Variants in NANOGNB observed in about 807,000 individuals in gnomAD.
The protein encoded by NANOGNB is homeobox C14.
In NANOGNB, 30 loss-of-function variants were observed where a neutral mutation model predicts 25.0. The ratio of observed to expected loss-of-function variants is 1.20; its 90% confidence interval spans 0.90 to 1.63. The LOEUF (loss-of-function observed/expected upper bound fraction) is 1.63, where lower values mean the gene tolerates loss of function less well. NANOGNB is among the 40% of genes most tolerant of loss of function. The pLI is 0.00. For missense variants in NANOGNB, 200 were observed against 188.1 expected, an observed-to-expected ratio of 1.06 and a Z score of -0.37; for synonymous variants, 84 against 62.1, an observed-to-expected ratio of 1.35 and a Z score of -1.66.
chr12:7,767,929 T>G (rs745873497), intron 1 of NANOGNB, among the ~76,000 whole-genome samples: 1 of 152,050 alleles, frequency 6.6e-6, no homozygotes, highest in Non-Finnish European at 1.5e-5. Flanking sequence ...CCCAGGCTGG[T>G]TTTGAACTCC....
chr12:7,768,974 C>T (rs916818774), intron 1 of NANOGNB, among the ~76,000 whole-genome samples: 2 of 151,938 alleles, frequency 1.3e-5, no homozygotes, highest in Non-Finnish European at 2.9e-5. Context: ...CCATATTAAT[C>T]GTCTTCAAGT....
At chr12:7,767,887 A>AT (rs1865259735) in intron 1 of NANOGNB, among the ~76,000 whole-genome samples, 1 of 139,144 alleles carries the variant, frequency 7.2e-6, no homozygotes, top group Non-Finnish European at 1.5e-5. Context: ...TCATTTTTTT[A>AT]TTTTTTGCGG....
At chr12:7,768,307 G>A (rs1156445172) in intron 1 of NANOGNB, among the ~76,000 whole-genome samples, 9 of 151,848 alleles carry the variant, frequency 5.9e-5, no homozygotes, top group East Asian at 3.9e-4. Flanking sequence ...GTGCATAATC[G>A]TTTTACTGTG....
At chr12:7,768,356 T>G (rs1385859017) in intron 1 of NANOGNB, among the ~76,000 whole-genome samples, 2 of 152,160 alleles carry the variant, frequency 1.3e-5, no homozygotes, top group Non-Finnish European at 2.9e-5. Context: ...GTTGAAGTTT[T>G]TGCCTCCATA....
At chr12:7,768,325 A>G (rs1865262885) in intron 1 of NANOGNB, among the ~76,000 whole-genome samples, 1 of 151,874 alleles carries the variant, frequency 6.6e-6, no homozygotes, top group Non-Finnish European at 1.5e-5. Flanking sequence ...GTGTTGCTGG[A>G]TTTAGGATTG....
chr12:7,767,813 G>A (rs1865259045), intron 1 of NANOGNB, among the ~76,000 whole-genome samples: 1 of 149,128 alleles, frequency 6.7e-6, no homozygotes, highest in Non-Finnish European at 1.5e-5. Context: ...CCAGGTGGGA[G>A]TGCAGTGTCA....
At position 7,765,390 on chromosome 12, in the gene NANOGNB, A is replaced by T. The variant is rs1256475275; in HGVS notation, c.102+3A>T. ...TCGAGACCATCTTGGCTAACAAGGT[A>T]AAACCCCGTTTCTACTAAAAATACA... On this transcript the variant is annotated splice_donor_region_variant and intron_variant, in intron 1 of 3. Coordinates refer to ENST00000382119, the MANE Select transcript of NANOGNB (RefSeq NM_001145465.1). The T allele has an allele frequency of 2.3e-6, 1 of 439,304 alleles. No individual in the cohort carries two copies. The highest frequency in any genetic ancestry group is 4.1e-6 in the Non-Finnish European group (1 of 245,290). The allele number at this position is 439,304 out of a possible 1,614,324, so 27.2% of individuals were successfully genotyped here.
intron 2 of NANOGNB, 34 bp from the exon 3 acceptor site, chr12:7,770,405 T>C: frequency 3.9e-6 from 6 of 1,528,556 alleles, no homozygotes; most frequent in Non-Finnish European, 5.3e-6. Flanking sequence ...CTTATTCCTG[T>C]ATTAATCACC....
At chr12:7,773,725 CAA>C in intron 3 of NANOGNB, 73 bp from the exon 4 acceptor site, 1 of 459,676 alleles carries the variant, frequency 2.2e-6, no homozygotes, top group Admixed American at 4.1e-5. Flanking sequence ...AACTCCATCT[CAA>C]AAAAAAATTT....
chr12:7,770,644 C>G (rs900095994), intron 3 of NANOGNB, 126 bp downstream of exon 3: 1 of 592,050 alleles, frequency 1.7e-6, no homozygotes, highest in Non-Finnish European at 2.9e-6. Flanking sequence ...CGGAGTTTCG[C>G]TCTTGTTACC....
At chr12:7,766,170 A>T in intron 1 of NANOGNB, 1 of 398,600 alleles carries the variant, frequency 2.5e-6, no homozygotes, top group South Asian at 1.3e-4. Context: ...TGATCATTCA[A>T]GTAAGTAAGA....
intron 3 of NANOGNB, among the ~76,000 whole-genome samples, chr12:7,771,284 G>C (rs1011689519): frequency 6.6e-6 from 1 of 151,878 alleles, no homozygotes; most frequent in Non-Finnish European, 1.5e-5. Flanking sequence ...GCAGTGGCGC[G>C]ATCTCGGCTC....
chr12:7,770,617 CTT>C (rs199637395), intron 3 of NANOGNB, 99 bp downstream of exon 3: 739 of 590,510 alleles, frequency 1.3e-3, no homozygotes, highest in Admixed American at 2.3e-3. Context: ...TGCCCATAAA[CTT>C]TTTTTTTTTT....
Position 7,770,309 on chromosome 12 carries a change from T to C in NANOGNB, c.429T>C (p.His143=). Residue 143 remains histidine (H), a synonymous_variant, in exon 2 of 4, where the codon CAT becomes CAC. Coordinates refer to ENST00000382119, the MANE Select transcript of NANOGNB (RefSeq NM_001145465.1). Reference sequence around the variant, plus strand: ...TGTCATTTGAATTTGACATGACACATAAACAGGTATGACAACATTAATAGA... The same window carrying C: ...TGTCATTTGAATTTGACATGACACACAAACAGGTATGACAACATTAATAGA... ...LSLSFEFDMT[H]KQISQWFCKT... The C allele has an allele frequency of 6.5e-7, 1 of 1,531,648 alleles. No homozygotes were observed. Among genetic ancestry groups the C allele is most frequent in the Non-Finnish European group, 8.8e-7 (1 of 1,140,570 alleles). The allele number at this position is 1,531,648 out of a possible 1,614,324, so 94.9% of individuals were successfully genotyped here.
At position 7,770,445 on chromosome 12, in the gene NANOGNB, C is replaced by G; in HGVS notation, c.442C>G (p.Gln148Glu). The G allele has an allele frequency of 6.5e-7, 1 of 1,538,540 alleles. No individual in the cohort carries two copies. The highest frequency in any genetic ancestry group is 2.5e-5 in the East Asian group (1 of 40,814). The change falls in exon 3 of 4, where the codon CAA (glutamine) becomes GAA (glutamate). Residue 148 changes from glutamine (Q) to glutamate (E), a missense_variant. Transcript: ENST00000382119. ...EFDMTHKQIS[Q>E]WFCKTRKKYN... ...ACACCTCATTTTTTTGTAGATAAGT[C>G]AATGGTTTTGTAAAACGAGGAAGAA...
chr12:7,773,514 A>G (rs972643253), intron 3 of NANOGNB, among the ~76,000 whole-genome samples: 1 of 142,192 alleles, frequency 7.0e-6, no homozygotes, highest in Non-Finnish European at 1.5e-5. Context: ...CAGCCTGACT[A>G]ACATGGTGAA....
intron 3 of NANOGNB, 148 bp from the exon 4 acceptor site, chr12:7,773,652 G>A (rs1053354356): frequency 5.2e-6 from 2 of 384,838 alleles, no homozygotes; most frequent in Non-Finnish European, 9.0e-6. Flanking sequence ...CTTGACCTGG[G>A]AGATGGAGGT....
chr12:7,769,603 G>A (rs1483696283), intron 1 of NANOGNB, among the ~76,000 whole-genome samples: 7 of 151,192 alleles, frequency 4.6e-5, no homozygotes, highest in African/African-American at 1.5e-4. Context: ...GATTACAGGC[G>A]TGAGCCACCA....
chr12:7,768,716 T>A (rs1865265161), intron 1 of NANOGNB, among the ~76,000 whole-genome samples: 1 of 152,064 alleles, frequency 6.6e-6, no homozygotes, highest in Non-Finnish European at 1.5e-5. Context: ...GTATTTTTAG[T>A]AGAGACCGGG....
Sources: allele counts gnomAD v4.1 joint callset (sites outside exome capture counted in the v4.1 genomes callset), GRCh38; gene constraint gnomAD v4.1.1; transcripts MANE v1.5; gene names NCBI Gene and HGNC (gene_info 2026-07-23, HGNC 2026-07-21).